The following MYOCD variants were observed in gnomAD, a reference collection of about 807,000 sequenced individuals.
MYOCD encodes myocardin.
A neutral mutation model predicts 96.1 loss-of-function variants in MYOCD; 32 were observed. The ratio of observed to expected loss-of-function variants is 0.33; its 90% confidence interval spans 0.25 to 0.45. The LOEUF (loss-of-function observed/expected upper bound fraction) is 0.45. Among genes scored for constraint, MYOCD ranks in the 20% least tolerant of loss-of-function variants. The probability of loss-of-function intolerance (pLI) is 1.00; values close to 1 mark genes in which losing one functional copy is unlikely to be tolerated. For missense variants in MYOCD, 1,133 were observed against 1,200.6 expected (o/e 0.94, Z 0.83); for synonymous variants, 469 against 469.0 (o/e 1.00, Z 0.00).
intron 1 of MYOCD, among the ~76,000 whole-genome samples, chr17:12,672,394 T>G (rs1909757636): frequency 6.6e-6 from 1 of 152,210 alleles, no homozygotes; most frequent in Non-Finnish European, 1.5e-5. Flanking sequence ...GTACTTTGAA[T>G]TTCTATTTTA....
At chr17:12,710,973 A>T (rs1018259509) in intron 2 of MYOCD, among the ~76,000 whole-genome samples, 3 of 152,126 alleles carry the variant, frequency 2.0e-5, no homozygotes, top group African/African-American at 7.2e-5. Context: ...CTTCTGAGAA[A>T]TTCCAAAGTG....
chr17:12,674,012 G>T (rs1909867455), intron 1 of MYOCD, among the ~76,000 whole-genome samples: 1 of 150,626 alleles, frequency 6.6e-6, no homozygotes, highest in Non-Finnish European at 1.5e-5. Flanking sequence ...TACCAAATAT[G>T]ACTCATGCCT....
chr17:12,719,577 G>A (rs962121378), intron 4 of MYOCD, among the ~76,000 whole-genome samples: 4 of 151,732 alleles, frequency 2.6e-5, no homozygotes, highest in African/African-American at 9.7e-5. Context: ...TTTAGGCTGG[G>A]TACAGTGGCT....
At chr17:12,678,698 TTTA>T (rs1464202121) in intron 1 of MYOCD, among the ~76,000 whole-genome samples, 4 of 152,000 alleles carry the variant, frequency 2.6e-5, no homozygotes, top group Non-Finnish European at 5.9e-5. Flanking sequence ...CTTATTATTA[TTTA>T]TTATTATTAT....
chr17:12,757,763 G>A (rs2033053888), intron 11 of MYOCD, among the ~76,000 whole-genome samples: 1 of 152,124 alleles, frequency 6.6e-6, no homozygotes, highest in Non-Finnish European at 1.5e-5. Flanking sequence ...CAAAGTGCTA[G>A]TATTACAGCT....
intron 1 of MYOCD, among the ~76,000 whole-genome samples, chr17:12,676,085 GA>G (rs964647579): frequency 1.8e-4 from 27 of 149,376 alleles, no homozygotes; most frequent in African/African-American, 2.9e-4. Context: ...TAGTGGTGGG[GA>G]AAAAAAAACG....
rs574216847 is a variant in MYOCD at position 12,761,114 on chromosome 17, C to T, written c.2389+407C>T. 4.3e-4 allele frequency: 72 copies of T among 167,052 alleles called. 1 individual carries two copies. The highest frequency in any genetic ancestry group is 2.2e-3 in the South Asian group (13 of 5,838). 10.3% of individuals were successfully genotyped at this position (167,052 alleles called of 1,614,324 possible). On this transcript the variant is annotated intron_variant, in intron 13 of 13. Transcript: ENST00000425538. ...AAAGTGAAATTCAATTAGCAACCTTCCACTGGATGGTTCATTCATGCTTAA... is the reference window on the plus strand; with the variant it reads ...AAAGTGAAATTCAATTAGCAACCTTTCACTGGATGGTTCATTCATGCTTAA...
intron 5 of MYOCD, among the ~76,000 whole-genome samples, chr17:12,731,780 A>C (rs558257560): frequency 4.7e-4 from 72 of 152,322 alleles, no homozygotes; most frequent in African/African-American, 1.7e-3. Context: ...TGTGGGCCAC[A>C]CCGAACACCA....
At position 12,742,602 on chromosome 17, in the gene MYOCD, G is replaced by A. The variant is rs143951776; in HGVS notation, c.718-1581G>A. ...TTTTTTTTTTTTGAGGCGGAGTCTCGCTCTATCACCCAGGCTGGAGTGTAG... is the reference window on the plus strand; with the variant it reads ...TTTTTTTTTTTTGAGGCGGAGTCTCACTCTATCACCCAGGCTGGAGTGTAG... On this transcript the variant is annotated intron_variant, in intron 7 of 13. Coordinates refer to ENST00000425538, the MANE Select transcript of MYOCD (RefSeq NM_001146312.3). Among the ~76,000 whole-genome samples the A allele has an allele frequency of 6.4e-3, 970 of 150,858 alleles. 16 individuals carry two copies. The highest frequency in any genetic ancestry group is 0.038 in the East Asian group (193 of 5,138).
chr17:12,754,244 A>G (rs2032947763), intron 10 of MYOCD, among the ~76,000 whole-genome samples: 2 of 152,270 alleles, frequency 1.3e-5, no homozygotes, highest in African/African-American at 4.8e-5. Flanking sequence ...AGCTGGGACT[A>G]CAGGCGCACA....
At chr17:12,726,801 G>T (rs2150694091) in intron 5 of MYOCD, among the ~76,000 whole-genome samples, 1 of 152,116 alleles carries the variant, frequency 6.6e-6, no homozygotes, top group Non-Finnish European at 1.5e-5. Context: ...ATAATGATTG[G>T]TTGCTTTAAA....
chr17:12,671,350 C>T (rs1235663975), intron 1 of MYOCD, among the ~76,000 whole-genome samples: 1 of 152,082 alleles, frequency 6.6e-6, no homozygotes, highest in Non-Finnish European at 1.5e-5. Flanking sequence ...TGTACTAAAA[C>T]TAGAACAAAA....
chr17:12,730,034 T>A (rs1471003242), intron 5 of MYOCD, among the ~76,000 whole-genome samples: 1 of 151,944 alleles, frequency 6.6e-6, no homozygotes, highest in Non-Finnish European at 1.5e-5. Context: ...GTAGTCCTAG[T>A]TACTCGGGAG....
chr17:12,734,762 G>A (rs984469773), intron 5 of MYOCD, among the ~76,000 whole-genome samples: 2 of 152,046 alleles, frequency 1.3e-5, no homozygotes, highest in Non-Finnish European at 2.9e-5. Context: ...ACCTGCCTCG[G>A]CCTCCCAAAG....
At chr17:12,728,241 C>T (rs565757026) in intron 5 of MYOCD, among the ~76,000 whole-genome samples, 13 of 152,254 alleles carry the variant, frequency 8.5e-5, no homozygotes, top group Middle Eastern at 3.4e-3. Context: ...TTAATTCTCT[C>T]GCTGGTCATC....
Position 12,752,583 on chromosome 17 carries a change from A to G in MYOCD, c.1295A>G (p.Asn432Ser). The change falls in exon 10 of 14, where the codon AAT (asparagine) becomes AGT (serine). Residue 432 changes from asparagine to serine, a missense_variant. Physicochemically the swap from Asn to Ser is conservative, Grantham distance 46 (BLOSUM62 1). Transcript: ENST00000425538. ...CCTGTCACACCCAACACGCTGCCCA[A>G]TTACCAGTCTTCCTCTTCTACCAGT... ...TFPVTPNTLP[N>S]YQSSSSTSAL... is the part of the protein sequence containing the mutation. 1 of 1,614,124 alleles carries G rather than the reference A, an allele frequency of 6.2e-7. No homozygotes were observed. The highest frequency in any genetic ancestry group is 8.5e-7 in the Non-Finnish European group (1 of 1,180,024).
Position 12,752,800 on chromosome 17 carries a change from C to T in MYOCD, c.1512C>T (p.Gly504=). 1 of 1,614,094 alleles carries T rather than the reference C, an allele frequency of 6.2e-7. No homozygotes were observed. The highest frequency in any genetic ancestry group is 1.6e-4 in the Middle Eastern group (1 of 6,062). The change falls in exon 10 of 14, where the codon GGC becomes GGT. Residue 504 remains glycine (G), a synonymous_variant. Coordinates refer to ENST00000425538, the MANE Select transcript of MYOCD (RefSeq NM_001146312.3). ...EESLMSSLNG[G]SVPSELDGLD... The stretch of plus-strand genomic sequence containing the variant: ...GTCTCATGAGCAGCCTGAATGGGGG[C>T]TCTGTTCCTTCTGAGCTGGATGGGC...
chr17:12,722,332 T>C (rs570564429), intron 4 of MYOCD, among the ~76,000 whole-genome samples: 20 of 152,318 alleles, frequency 1.3e-4, no homozygotes, highest in African/African-American at 4.8e-4. Flanking sequence ...AATCCCTCTG[T>C]TTAATTAAAT....
chr17:12,693,436 CCTGTCTCTACTAAAAATA>C (rs1402623289), intron 1 of MYOCD, among the ~76,000 whole-genome samples: 15 of 151,694 alleles, frequency 9.9e-5, no homozygotes, highest in Admixed American at 9.9e-4. Context: ...ATTGTGAAAC[CCTGTCTCTACTAAAAATA>C]CAAAAATGAG....
Sources: allele counts gnomAD v4.1 joint callset (sites outside exome capture counted in the v4.1 genomes callset), GRCh38; gene constraint gnomAD v4.1.1; transcripts MANE v1.5; gene names NCBI Gene and HGNC (gene_info 2026-07-23, HGNC 2026-07-21).